RASGEF1B: variants seen among roughly 807,000 people sequenced by gnomAD.
The protein encoded by RASGEF1B is RasGEF domain family member 1B, also known as ras-GEF domain-containing family member 1B.
In RASGEF1B, 30 loss-of-function variants were observed where a neutral mutation model predicts 65.7. The ratio of observed to expected loss-of-function variants is 0.46; its 90% CI spans 0.34 to 0.62. RASGEF1B has a LOEUF of 0.62. Ranked by LOEUF, RASGEF1B falls within the 20% of genes least tolerant of loss-of-function variation. The pLI is 0.01. For synonymous variants in RASGEF1B, 175 were observed against 194.8 expected (o/e 0.90, Z 0.85); for missense variants, 495 against 580.1 (o/e 0.85, Z 1.51).
At chr4:81,431,167 ATATTT>A (rs1721415916) in intron 13 of RASGEF1B, among the ~76,000 whole-genome samples, 1 of 151,690 alleles carries the variant, frequency 6.6e-6, no homozygotes, top group South Asian at 2.1e-4. Context: ...GCACAGTGAA[ATATTT>A]TAATACAAAC....
intron 5 of RASGEF1B, 96 bp downstream of exon 5, chr4:81,447,973 C>T: frequency 1.0e-6 from 1 of 995,194 alleles, no homozygotes; most frequent in Non-Finnish European, 1.6e-6. Context: ...ATTATTCTGA[C>T]CTCTCCTGTG....
intron 4 of RASGEF1B, chr4:81,453,850 G>C (rs538194798): frequency 7.9e-5 from 12 of 152,322 alleles, no homozygotes; most frequent in Non-Finnish European, 1.6e-4. Context: ...TGAGAAAGGA[G>C]CAAGGATTTA....
chr4:81,449,975 T>C (rs943320143), intron 4 of RASGEF1B, among the ~76,000 whole-genome samples: 3 of 152,188 alleles, frequency 2.0e-5, no homozygotes, highest in African/African-American at 7.2e-5. Context: ...TTTTTCTCTA[T>C]AGTCATGGAT....
chr4:81,455,487 A>T (rs1325560345), intron 4 of RASGEF1B: 3 of 152,240 alleles, frequency 2.0e-5, no homozygotes, highest in African/African-American at 7.2e-5. Flanking sequence ...CACCACTGAA[A>T]GAGTTCTCAA....
rs192888226 is a variant in RASGEF1B, at chr4:81,449,800, C to A, written c.439-1516G>T. Among the ~76,000 whole-genome samples, 133 of 152,218 alleles carry A rather than the reference C, an allele frequency of 8.7e-4. 1 individual carries two copies. In the East Asian group the frequency reaches 0.017, roughly 20 times the overall value. ...TTAGAGTATATTACAAAAACCCAAA[C>A]GAAGAGATATTTGCTTATGAGGAGA... On this transcript the variant is annotated intron_variant, in intron 4 of 13. Coordinates refer to ENST00000264400, the MANE Select transcript of RASGEF1B (RefSeq NM_152545.3).
At chr4:81,427,890 G>A in intron 13 of RASGEF1B, 98 bp from the exon 14 acceptor site, 2 of 1,206,166 alleles carry the variant, frequency 1.7e-6, no homozygotes, top group East Asian at 2.6e-5. Context: ...TCTTTCCTGT[G>A]TTTTAAGTTT....
At chr4:81,442,159 C>T in intron 9 of RASGEF1B, 138 bp downstream of exon 9, 1 of 648,788 alleles carries the variant, frequency 1.5e-6, no homozygotes, top group Non-Finnish European at 2.7e-6. Context: ...ATTCTACCCA[C>T]TTTCCTTTCC....
intron 10 of RASGEF1B, among the ~76,000 whole-genome samples, chr4:81,438,809 G>A (rs774937170): frequency 1.6e-4 from 24 of 151,630 alleles, no homozygotes; most frequent in Non-Finnish European, 2.8e-4. Flanking sequence ...ACTTACGAGT[G>A]AGAACATGCA....
chr4:81,461,278 G>A (rs1272591253), intron 1 of RASGEF1B, among the ~76,000 whole-genome samples: 1 of 152,182 alleles, frequency 6.6e-6, no homozygotes, highest in South Asian at 2.1e-4. Flanking sequence ...AGGCAGGGAC[G>A]TGAGATGAGA....
At position 81,426,422 on chromosome 4, in the gene RASGEF1B, T is replaced by C. The variant is rs1471151953; in HGVS notation, c.*1346A>G. The C allele has an allele frequency of 6.6e-6, 1 of 152,188 alleles. No individual in the cohort carries two copies. The highest frequency in any genetic ancestry group is 2.4e-5 in the African/African-American group (1 of 41,452). The allele number at this position is 152,188 out of a possible 1,614,324, so 9.4% of individuals were successfully genotyped here. Reference sequence around the variant, plus strand: ...GGCCGCAGAGTGTAAAATATATTGATGGCTGTAAAGGGACAACTTGGGGAT... The same window carrying C: ...GGCCGCAGAGTGTAAAATATATTGACGGCTGTAAAGGGACAACTTGGGGAT... On this transcript the variant is annotated 3_prime_UTR_variant, in exon 14 of 14. Transcript: ENST00000264400.
intron 1 of RASGEF1B, among the ~76,000 whole-genome samples, chr4:81,460,340 T>C (rs1377695844): frequency 2.0e-5 from 3 of 152,142 alleles, no homozygotes; most frequent in Non-Finnish European, 4.4e-5. Context: ...CTTGAATTCC[T>C]AGGGACGGCA....
At chr4:81,445,906 G>T in intron 6 of RASGEF1B, 68 bp from the exon 7 acceptor site, 1 of 1,131,070 alleles carries the variant, frequency 8.8e-7, no homozygotes, top group Non-Finnish European at 1.3e-6. Context: ...CTCATTTTGT[G>T]AAATACGAGC....
chr4:81,445,862 G>A, intron 6 of RASGEF1B, 24 bp from the exon 7 acceptor site: 1 of 1,568,774 alleles, frequency 6.4e-7, no homozygotes, highest in Non-Finnish European at 8.8e-7. Flanking sequence ...AAAGTAAACA[G>A]ATGAGTTAGA....
At chr4:81,466,770 A>AAAAAAAAAGAAAGAAAGAAAGAAAG (rs748492254) in intron 1 of RASGEF1B, among the ~76,000 whole-genome samples, 5 of 36,092 alleles carry the variant, frequency 1.4e-4, no homozygotes, top group Admixed American at 5.0e-4. Flanking sequence ...AAAAAAAAAA[A>AAAAAAAAAGAAAGAAAGAAAGAAAG]AAAGAAAGAA....
At chr4:81,462,177 C>T (rs909012829) in intron 1 of RASGEF1B, among the ~76,000 whole-genome samples, 9 of 152,178 alleles carry the variant, frequency 5.9e-5, no homozygotes, top group Non-Finnish European at 1.0e-4. Context: ...TTTTGCTTAT[C>T]CCTTCCAAAA....
intron 2 of RASGEF1B, among the ~76,000 whole-genome samples, chr4:81,458,078 A>G (rs1722511880): frequency 6.6e-6 from 1 of 152,232 alleles, no homozygotes; most frequent in African/African-American, 2.4e-5. Flanking sequence ...AATGCACATA[A>G]CACTCAACAA....
chr4:81,440,027 G>A (rs1721781783), intron 10 of RASGEF1B, among the ~76,000 whole-genome samples: 1 of 152,084 alleles, frequency 6.6e-6, no homozygotes, highest in South Asian at 2.1e-4. Flanking sequence ...GCCATGAAAT[G>A]TTTTTTACCT....
At chr4:81,449,733 A>G (rs2109983323) in intron 4 of RASGEF1B, among the ~76,000 whole-genome samples, 1 of 152,332 alleles carries the variant, frequency 6.6e-6, no homozygotes, top group Admixed American at 6.5e-5. Context: ...TTTACCTACA[A>G]GTATAAGACC....
chr4:81,466,601 C>T (rs778800887), intron 1 of RASGEF1B, among the ~76,000 whole-genome samples: 16 of 151,206 alleles, frequency 1.1e-4, no homozygotes, highest in Non-Finnish European at 1.9e-4. Context: ...CTACTAAAAA[C>T]ACAAAAAATT....
Sources: gnomAD v4.1 joint callset for allele counts (sites outside exome capture counted in the v4.1 genomes callset) on GRCh38, gnomAD v4.1.1 for gene constraint, MANE v1.5 for transcripts, NCBI Gene and HGNC (gene_info 2026-07-23, HGNC 2026-07-21) for gene names.